The following GRIP1 variants were observed in gnomAD, a reference collection of about 807,000 sequenced individuals.
The protein encoded by GRIP1 is glutamate receptor-interacting protein 1.
In GRIP1, 45 loss-of-function variants were observed where a neutral mutation model predicts 129.9. That is an observed-to-expected ratio of 0.35 (90% CI 0.27 to 0.44). The LOEUF is 0.44. GRIP1 is among the 20% of genes least tolerant of loss of function. The pLI is 1.00. For missense variants in GRIP1, 1,196 were observed against 1,396.8 expected (o/e 0.86, Z 2.29); for synonymous variants, 530 against 520.8 (o/e 1.02, Z -0.24).
At chr12:66,501,213 A>C (rs2060383064) in intron 7 of GRIP1, among the ~76,000 whole-genome samples, 1 of 152,210 alleles carries the variant, frequency 6.6e-6, no homozygotes, top group African/African-American at 2.4e-5. Context: ...TGACTGTTGG[A>C]GTTAACCTGG....
chr12:66,826,714 G>GA (rs1476060104), intron 1 of GRIP1, among the ~76,000 whole-genome samples: 3 of 140,868 alleles, frequency 2.1e-5, no homozygotes, highest in Non-Finnish European at 4.4e-5. Context: ...TCTAGTCAAT[G>GA]AAAAAATGAG....
At chr12:66,418,156 T>A (rs890454565) in intron 15 of GRIP1, among the ~76,000 whole-genome samples, 2 of 152,230 alleles carry the variant, frequency 1.3e-5, no homozygotes, top group African/African-American at 2.4e-5. Flanking sequence ...GAACTCATTT[T>A]TGACAAAGGT....
chr12:66,591,687 T>C (rs553372412), intron 2 of GRIP1, among the ~76,000 whole-genome samples: 10 of 152,128 alleles, frequency 6.6e-5, no homozygotes, highest in Non-Finnish European at 1.5e-4. Context: ...TGGAGAACAG[T>C]GGTGCAATCA....
At chr12:67,032,334 T>G (rs988271624) in intron 1 of GRIP1, among the ~76,000 whole-genome samples, 1 of 152,234 alleles carries the variant, frequency 6.6e-6, no homozygotes, top group Non-Finnish European at 1.5e-5. Context: ...CAACAAATAT[T>G]TGTTAAAATG....
intron 1 of GRIP1, among the ~76,000 whole-genome samples, chr12:66,911,495 A>T (rs2041028434): frequency 6.6e-6 from 1 of 152,214 alleles, no homozygotes; most frequent in Admixed American, 6.5e-5. Context: ...TATAATTATT[A>T]TATCATGGCT....
At chr12:66,635,408 A>G (rs891691173) in intron 1 of GRIP1, among the ~76,000 whole-genome samples, 14 of 151,756 alleles carry the variant, frequency 9.2e-5, no homozygotes, top group Non-Finnish European at 1.5e-4. Context: ...TGGGTGACAG[A>G]GTGAGACCCT....
At chr12:66,769,920 T>C (rs930131733) in intron 1 of GRIP1, among the ~76,000 whole-genome samples, 3 of 152,206 alleles carry the variant, frequency 2.0e-5, no homozygotes, top group Non-Finnish European at 4.4e-5. Context: ...CAATATTTTA[T>C]GAGTTTATAA....
At chr12:66,476,529 A>G (rs918736480) in intron 7 of GRIP1, among the ~76,000 whole-genome samples, 24 of 152,358 alleles carry the variant, frequency 1.6e-4, no homozygotes, top group African/African-American at 5.5e-4. Flanking sequence ...TCACTTTATG[A>G]GGTTAGCATC....
At chr12:66,734,001 C>T (rs1032872418) in intron 1 of GRIP1, among the ~76,000 whole-genome samples, 1 of 152,032 alleles carries the variant, frequency 6.6e-6, no homozygotes, top group Non-Finnish European at 1.5e-5. Flanking sequence ...TGGTTTTCTA[C>T]GTACGCTGCA....
intron 1 of GRIP1, among the ~76,000 whole-genome samples, chr12:66,856,405 CA>C (rs2040005019): frequency 2.6e-5 from 4 of 152,176 alleles, no homozygotes; most frequent in South Asian, 2.1e-4. Context: ...TTCTGCACAG[CA>C]AAAGAAACTA....
At chr12:66,763,340 G>C (rs576733499) in intron 1 of GRIP1, among the ~76,000 whole-genome samples, 2 of 152,166 alleles carry the variant, frequency 1.3e-5, no homozygotes, top group Admixed American at 1.3e-4. Flanking sequence ...GTCATTTGCC[G>C]GTTTGAATTG....
intron 1 of GRIP1, among the ~76,000 whole-genome samples, chr12:66,691,914 C>G (rs978865879): frequency 6.6e-6 from 1 of 152,278 alleles, no homozygotes; most frequent in African/African-American, 2.4e-5. Flanking sequence ...CATCATAAAA[C>G]TGGTGAGCTG....
intron 1 of GRIP1, among the ~76,000 whole-genome samples, chr12:66,977,142 A>G (rs1310783706): frequency 6.6e-6 from 1 of 152,154 alleles, no homozygotes; most frequent in African/African-American, 2.4e-5. Context: ...TGTAATTATG[A>G]AAGTATATAT....
intron 1 of GRIP1, among the ~76,000 whole-genome samples, chr12:66,641,011 T>G (rs77413223): frequency 0.14 from 20,972 of 152,224 alleles, 1,599 homozygotes; most frequent in Middle Eastern, 0.18. Context: ...ATCCCCTAAA[T>G]TTCTGCACAA....
At chr12:66,517,341 A>G (rs1446810500) in intron 6 of GRIP1, among the ~76,000 whole-genome samples, 1 of 152,206 alleles carries the variant, frequency 6.6e-6, no homozygotes, top group African/African-American at 2.4e-5. Context: ...AACAAGGAAG[A>G]GAAATGCAAA....
chr12:67,055,048 A>G (rs1406334024), intron 1 of GRIP1, among the ~76,000 whole-genome samples: 3 of 152,152 alleles, frequency 2.0e-5, no homozygotes, highest in Non-Finnish European at 4.4e-5. Flanking sequence ...GGGCACAAAA[A>G]CCTAACTGGA....
intron 1 of GRIP1, among the ~76,000 whole-genome samples, chr12:66,602,848 C>CCTTTTT (rs2064337871): frequency 1.4e-5 from 1 of 71,662 alleles, no homozygotes; most frequent in Non-Finnish European, 2.8e-5. Flanking sequence ...AGATCTTTTG[C>CCTTTTT]TTTTTTTTTT....
chr12:66,991,865 G>A (rs1023613676), intron 1 of GRIP1, among the ~76,000 whole-genome samples: 6 of 152,134 alleles, frequency 3.9e-5, no homozygotes, highest in Non-Finnish European at 5.9e-5. Context: ...TCAGCCAGAC[G>A]CCATCTCAAC....
intron 1 of GRIP1, among the ~76,000 whole-genome samples, chr12:67,049,729 T>TA (rs749293794): frequency 0.021 from 2,581 of 124,542 alleles, 62 homozygotes; most frequent in African/African-American, 0.063. Context: ...AAAGTACAAT[T>TA]AAAAAAAAAA....
Sources: allele counts gnomAD v4.1 joint callset (sites outside exome capture counted in the v4.1 genomes callset), GRCh38; gene constraint gnomAD v4.1.1; transcripts MANE v1.5; gene names NCBI Gene and HGNC (gene_info 2026-07-23, HGNC 2026-07-21).